SLC49A4: variants seen among roughly 807,000 people sequenced by gnomAD.
SLC49A4 encodes solute carrier family 49 member 4.
Under a neutral mutation model 50.6 loss-of-function variants are expected in SLC49A4, and 36 were observed. That is an observed-to-expected ratio of 0.71 (90% confidence interval 0.55 to 0.94). The LOEUF is 0.94. Among genes scored for constraint, SLC49A4 ranks in the 40% least tolerant of loss-of-function variants. The pLI is 0.00. For missense variants in SLC49A4, 503 were observed against 605.7 expected (o/e 0.83, Z 1.78); for synonymous variants, 248 against 241.2 (o/e 1.03, Z -0.26).
At chr3:122,852,823 A>G (rs1036587963) in intron 5 of SLC49A4, among the ~76,000 whole-genome samples, 1 of 152,212 alleles carries the variant, frequency 6.6e-6, no homozygotes, top group Non-Finnish European at 1.5e-5. Context: ...CTTGTCTGAA[A>G]TTAGCAGACA....
intron 5 of SLC49A4, among the ~76,000 whole-genome samples, chr3:122,846,805 T>C (rs992077777): frequency 7.2e-5 from 11 of 152,354 alleles, no homozygotes; most frequent in Middle Eastern, 6.8e-3. Flanking sequence ...ATCTTTTTCT[T>C]GTGACATACT....
chr3:122,839,225 C>A (rs995134932), intron 4 of SLC49A4, among the ~76,000 whole-genome samples: 3 of 152,066 alleles, frequency 2.0e-5, no homozygotes, highest in African/African-American at 7.2e-5. Context: ...TATCTCTCAC[C>A]TTATACAAAA....
chr3:122,851,714 C>G (rs1462435912), intron 5 of SLC49A4, among the ~76,000 whole-genome samples: 1 of 151,996 alleles, frequency 6.6e-6, no homozygotes, highest in Non-Finnish European at 1.5e-5. Flanking sequence ...TAGTCAGTGT[C>G]TCTTCAAAAC....
chr3:122,816,114 G>A (rs992928001), intron 2 of SLC49A4, among the ~76,000 whole-genome samples: 9 of 152,016 alleles, frequency 5.9e-5, no homozygotes, highest in African/African-American at 1.9e-4. Flanking sequence ...CCACATTGAT[G>A]CCATCTGAAA....
intron 8 of SLC49A4, 85 bp downstream of exon 8, chr3:122,872,682 G>A (rs1205851689): frequency 1.1e-6 from 1 of 935,828 alleles, no homozygotes; most frequent in Non-Finnish European, 1.5e-6. Context: ...TTTATATGGA[G>A]AAGTCTCACC....
chr3:122,817,516 C>CT (rs1377617690), intron 2 of SLC49A4, among the ~76,000 whole-genome samples: 1 of 152,076 alleles, frequency 6.6e-6, no homozygotes, highest in Admixed American at 6.6e-5. Flanking sequence ...GACTAGGAAA[C>CT]TAGTCACCAA....
Position 122,880,883 on chromosome 3 carries a change from G to A in SLC49A4, c.*1505G>A, listed in dbSNP as rs185966253. Reference sequence around the variant, plus strand: ...ACAAGGCTGTGCATTAACTCACCTCGGTCCTAGAGGAGTATCCTAGTACTG... The same window carrying A: ...ACAAGGCTGTGCATTAACTCACCTCAGTCCTAGAGGAGTATCCTAGTACTG... On this transcript the variant is annotated 3_prime_UTR_variant, in exon 9 of 9. Transcript: ENST00000261038. 2 of 152,054 alleles carry A rather than the reference G, an allele frequency of 1.3e-5. No homozygotes were observed. Among genetic ancestry groups the A allele is most frequent in the Non-Finnish European group, 2.9e-5 (2 of 68,032 alleles). 9.4% of individuals were successfully genotyped at this position (152,054 alleles called of 1,614,324 possible).
intron 2 of SLC49A4, among the ~76,000 whole-genome samples, chr3:122,823,326 T>C (rs1157950071): frequency 2.0e-5 from 3 of 152,182 alleles, no homozygotes. Context: ...TCCACATGCA[T>C]ATATGCAAAG....
rs151058247 is a variant in SLC49A4, at chr3:122,795,797, C to T, written c.343+262C>T. On this transcript the variant is annotated intron_variant, in intron 1 of 8. Coordinates refer to ENST00000261038, the MANE Select transcript of SLC49A4 (RefSeq NM_032839.3). Reference sequence around the variant, plus strand: ...GGGATTTAAGCGATCTCTAAACGTTCAAGTTTTTACACATTGTGAACATCA... The same window carrying T: ...GGGATTTAAGCGATCTCTAAACGTTTAAGTTTTTACACATTGTGAACATCA... Among the ~76,000 whole-genome samples, 763 of 152,310 alleles carry T rather than the reference C, an allele frequency of 5.0e-3. 7 individuals carry two copies. Among genetic ancestry groups the T allele is most frequent in the African/African-American group, 0.017 (718 of 41,546 alleles).
chr3:122,845,857 G>C lies in SLC49A4; in HGVS notation c.928G>C (p.Ala310Pro). The C allele has an allele frequency of 6.2e-7, 1 of 1,607,878 alleles. No individual in the cohort carries two copies. The highest frequency in any genetic ancestry group is 8.5e-7 in the Non-Finnish European group (1 of 1,176,236). Residue 310 changes from alanine (A) to proline (P), a missense_variant, in exon 5 of 9, where the codon GCG becomes CCG. Physicochemically the swap from Ala to Pro is conservative, Grantham distance 27. Coordinates refer to ENST00000261038, the MANE Select transcript of SLC49A4 (RefSeq NM_032839.3). ...SGVLDLILTP[A>P]HVSQVDAGWI... ...AGTTCTGGACTTAATTTTAACACCA[G>C]CGCATGTCAGCCAAGTAAGTATTTT...
intron 4 of SLC49A4, among the ~76,000 whole-genome samples, chr3:122,838,936 T>G (rs1936730600): frequency 6.6e-6 from 1 of 151,964 alleles, no homozygotes. Flanking sequence ...GCCAAAGCAA[T>G]CCTAAGCAAA....
chr3:122,854,866 C>T lies in SLC49A4; in HGVS notation c.943-1441C>T, dbSNP rs917601217. On this transcript the variant is annotated intron_variant, in intron 5 of 8. Coordinates refer to ENST00000261038, the MANE Select transcript of SLC49A4 (RefSeq NM_032839.3). ...CAGCACTTTGGGAGGCCGAGGCGGG[C>T]GGATCACGAGGTCAGGAGATCAAGA... 4.6e-5 allele frequency among the ~76,000 whole-genome samples: 7 copies of T among 151,972 alleles called. No homozygotes were observed. The East Asian group carries it at 7.7e-4, about 17-fold the overall frequency.
At chr3:122,859,307 A>G (rs1334752715) in intron 6 of SLC49A4, among the ~76,000 whole-genome samples, 3 of 152,178 alleles carry the variant, frequency 2.0e-5, no homozygotes, top group African/African-American at 7.2e-5. Context: ...AAACAGAAAC[A>G]TGGCCATCCA....
intron 6 of SLC49A4, among the ~76,000 whole-genome samples, chr3:122,858,249 C>A (rs988790041): frequency 6.6e-6 from 1 of 152,126 alleles, no homozygotes; most frequent in African/African-American, 2.4e-5. Flanking sequence ...CTACAGTTGT[C>A]GGTTTATTCT....
At position 122,820,952 on chromosome 3, in the gene SLC49A4, A is replaced by G. The variant is rs1395868220; in HGVS notation, c.438-5848A>G. 2.6e-5 allele frequency among the ~76,000 whole-genome samples: 4 copies of G among 152,232 alleles called. No individual in the cohort carries two copies. The South Asian group carries it at 6.2e-4, about 24-fold the overall frequency. On this transcript the variant is annotated intron_variant, in intron 2 of 8. Transcript: ENST00000261038. Reference sequence around the variant, plus strand: ...AATCTCATCTTGAACTGTAGTTCCCATAATCCCCACATGTGGGAGAGACCT... The same window carrying G: ...AATCTCATCTTGAACTGTAGTTCCCGTAATCCCCACATGTGGGAGAGACCT...
At chr3:122,874,009 T>A (rs1159873790) in intron 8 of SLC49A4, among the ~76,000 whole-genome samples, 1 of 152,180 alleles carries the variant, frequency 6.6e-6, no homozygotes, top group Non-Finnish European at 1.5e-5. Flanking sequence ...GCATGGTTTT[T>A]CCTGTCAGCT....
chr3:122,806,997 G>A (rs1386256943), intron 2 of SLC49A4, 47 bp downstream of exon 2: 10 of 1,197,202 alleles, frequency 8.4e-6, no homozygotes, highest in South Asian at 2.6e-5. Context: ...ATTTTATTAT[G>A]TGTATAAATT....
intron 1 of SLC49A4, 34 bp downstream of exon 1, chr3:122,795,569 TCTC>T: frequency 6.4e-7 from 1 of 1,563,410 alleles, no homozygotes; most frequent in South Asian, 1.2e-5. Flanking sequence ...CCGCGCTGTC[TCTC>T]CTCCGGGAGC....
At chr3:122,818,378 C>A (rs1936406558) in intron 2 of SLC49A4, among the ~76,000 whole-genome samples, 1 of 152,078 alleles carries the variant, frequency 6.6e-6, no homozygotes. Flanking sequence ...GAAGAAAAGA[C>A]TGGAAAATCA....
Sources: gnomAD v4.1 joint callset for allele counts (sites outside exome capture counted in the v4.1 genomes callset) on GRCh38, gnomAD v4.1.1 for gene constraint, MANE v1.5 for transcripts, NCBI Gene and HGNC (gene_info 2026-07-23, HGNC 2026-07-21) for gene names.